Variants in LRP4 observed in about 807,000 individuals in gnomAD.
LRP4 encodes low-density lipoprotein receptor-related protein 4.
LRP4 carries 95 observed loss-of-function variants against 220.3 expected under a neutral mutation model. That is an observed-to-expected ratio of 0.43 (90% CI 0.37 to 0.51). The LOEUF is 0.51. Among genes scored for constraint, LRP4 ranks in the 20% least tolerant of loss-of-function variants. The probability of loss-of-function intolerance (pLI) is 0.00; values close to 1 mark genes in which losing one functional copy is unlikely to be tolerated. For missense variants in LRP4, 1,925 were observed against 2,567.0 expected (o/e 0.75, Z 5.40); for synonymous variants, 903 against 954.6 (o/e 0.95, Z 1.00).
chr11:46,912,947 C>A (rs1244797065), intron 1 of LRP4, among the ~76,000 whole-genome samples: 1 of 152,106 alleles, frequency 6.6e-6, no homozygotes, highest in Non-Finnish European at 1.5e-5. Context: ...TCTTTTGTTT[C>A]CGGCTCTGCT....
At chr11:46,904,326 A>G (rs1008117589) in intron 1 of LRP4, among the ~76,000 whole-genome samples, 28 of 152,304 alleles carry the variant, frequency 1.8e-4, no homozygotes, top group African/African-American at 6.3e-4. Context: ...GTCTCACATT[A>G]TAATTCCTTG....
At chr11:46,886,633 T>A in intron 16 of LRP4, 100 bp from the exon 17 acceptor site, 1 of 1,000,584 alleles carries the variant, frequency 1.0e-6, no homozygotes, top group Non-Finnish European at 1.5e-6. Flanking sequence ...CAATCACACT[T>A]CCTGGGATCT....
chr11:46,878,865 T>A, intron 22 of LRP4, 42 bp downstream of exon 22: 1 of 1,612,994 alleles, frequency 6.2e-7, no homozygotes, highest in Non-Finnish European at 8.5e-7. Flanking sequence ...CATTGCCCCC[T>A]CCCAGAGAGG....
chr11:46,904,507 A>G (rs146952358), intron 1 of LRP4, among the ~76,000 whole-genome samples: 23 of 47,584 alleles, frequency 4.8e-4, no homozygotes, highest in African/African-American at 8.5e-4. Context: ...ATGGACGGAC[A>G]GACGGATGGA....
intron 18 of LRP4, among the ~76,000 whole-genome samples, chr11:46,885,335 A>G (rs1565789892): frequency 6.6e-6 from 1 of 152,144 alleles, no homozygotes; most frequent in Non-Finnish European, 1.5e-5. Context: ...AAGAATCTGC[A>G]TGTCCAACAA....
At chr11:46,914,615 A>C (rs768157341) in intron 1 of LRP4, among the ~76,000 whole-genome samples, 3 of 152,220 alleles carry the variant, frequency 2.0e-5, no homozygotes, top group Non-Finnish European at 4.4e-5. Context: ...ATGAGATGGC[A>C]GTCCAGACAC....
In LRP4 at chr11:46,898,668, T is replaced by G. The variant is rs1361092950; in HGVS notation, c.686A>C (p.Gln229Pro). The change falls in exon 7 of 38, where the codon CAG becomes CCG. Residue 229 changes from glutamine (Q) to proline (P), a missense_variant. Physicochemically the swap from Gln to Pro is moderately conservative, Grantham distance 76. Around this residue, in one of 3 missense-constraint regions of LRP4, gnomAD observed 412 missense variants for 505.4 expected, o/e 0.82. Coordinates refer to ENST00000378623, the MANE Select transcript of LRP4 (RefSeq NM_002334.4). ...WSDESDCSSH[Q>P]PCRSGEFMCD... ...CATGAACTCCCCAGAGCGGCAGGGCTGGTGGGAGGCTAGGGAAACACAAGA... is the reference window on the plus strand; with the variant it reads ...CATGAACTCCCCAGAGCGGCAGGGCGGGTGGGAGGCTAGGGAAACACAAGA... The G allele has an allele frequency of 1.2e-6, 2 of 1,614,076 alleles. No homozygotes were observed. The highest frequency in any genetic ancestry group is 2.2e-5 in the South Asian group (2 of 91,088).
At chr11:46,898,208 C>A (rs995627297) in intron 7 of LRP4, among the ~76,000 whole-genome samples, 2 of 152,206 alleles carry the variant, frequency 1.3e-5, no homozygotes, top group Non-Finnish European at 2.9e-5. Flanking sequence ...CCCGGATTGT[C>A]TTGTTTTTTG....
chr11:46,889,682 G>A, intron 15 of LRP4, 149 bp from the exon 16 acceptor site: 1 of 1,062,950 alleles, frequency 9.4e-7, no homozygotes, highest in East Asian at 2.6e-5. Context: ...TGCTAGCACA[G>A]TGAGTACCCG....
At chr11:46,897,769 A>G (rs1196975682) in intron 7 of LRP4, among the ~76,000 whole-genome samples, 9 of 152,226 alleles carry the variant, frequency 5.9e-5, no homozygotes, top group African/African-American at 2.2e-4. Context: ...TCCCATGTAT[A>G]CTTCTTTCTA....
In LRP4 at chr11:46,865,167, T is replaced by C; in HGVS notation, c.5107A>G (p.Arg1703Gly). Residue 1703 changes from arginine to glycine, a missense_variant, in exon 35 of 38, where the codon AGG becomes GGG. Around this residue, in one of 3 missense-constraint regions of LRP4, gnomAD observed 1,244 missense variants for 1,624.9 expected, o/e 0.77. Transcript: ENST00000378623. The stretch of plus-strand genomic sequence containing the variant: ...TTGGAACGTGCACAGAGGCCCAGCC[T>C]GGCATCCCTTTCAGAGCATCTGTGG... The part of the protein sequence containing the change: ...VEGRCSERDA[R>G]LGLCARSNDA... The C allele has an allele frequency of 2.6e-6, 4 of 1,558,014 alleles. No homozygotes were observed. Among genetic ancestry groups the C allele is most frequent in the Non-Finnish European group, 3.5e-6 (4 of 1,150,092 alleles).
chr11:46,890,068 T>A lies in LRP4; in HGVS notation c.1968A>T (p.Thr656=). Residue 656 remains threonine (T), a synonymous_variant, in exon 15 of 38, where the codon ACA becomes ACT. Coordinates refer to ENST00000378623, the MANE Select transcript of LRP4 (RefSeq NM_002334.4). This position sits in a 1 kb window ranked among gnomAD's most constrained non-coding sequence, Gnocchi z 5.3. ...TATTGATGCTCTTGGTGTGCCAGTC[T>A]GTCCAGTACAGGCTGTCTTCAAACA... ...ITVFEDSLYW[T]DWHTKSINSA... is the part of the protein sequence containing the mutation. The A allele has an allele frequency of 6.2e-7, 1 of 1,614,208 alleles. No individual in the cohort carries two copies. Among genetic ancestry groups the A allele is most frequent in the Non-Finnish European group, 8.5e-7 (1 of 1,180,050 alleles).
chr11:46,894,324 A>G (rs1372452393), intron 12 of LRP4, among the ~76,000 whole-genome samples: 2 of 152,272 alleles, frequency 1.3e-5, no homozygotes, highest in Non-Finnish European at 2.9e-5. Context: ...TCTGTCATCC[A>G]TAAATCTGAT....
chr11:46,889,440 C>G lies in LRP4; in HGVS notation c.2186G>C (p.Arg729Pro). ...NYTCACPTGF[R>P]KISSHACAQS... ...GGCACAGGCGTGGCTGCTGATCTTG[C>G]GGAAGCCAGTGGGGCAGGCACAGGT... The change falls in exon 16 of 38, where the codon CGC (arginine) becomes CCC (proline). Residue 729 changes from arginine (R) to proline (P), a missense_variant. Physicochemically the swap from Arg to Pro is moderately radical, Grantham distance 103. This residue lies in a region of LRP4 where 1,244 missense variants were observed against 1,624.9 expected (regional missense o/e 0.77). Coordinates refer to ENST00000378623, the MANE Select transcript of LRP4 (RefSeq NM_002334.4). 6.2e-7 allele frequency: 1 copy of G among 1,614,042 alleles called. No homozygotes were observed. The highest frequency in any genetic ancestry group is 8.5e-7 in the Non-Finnish European group (1 of 1,180,002).
In LRP4 at chr11:46,858,538, C is replaced by T; in HGVS notation, c.*445G>A. On this transcript the variant is annotated 3_prime_UTR_variant, in exon 38 of 38. Transcript: ENST00000378623. ...TATCCTTCATCCCTGTCTTTACCCACACCCCCATGTCCCAGCCCCTGATGG... is the reference window on the plus strand; with the variant it reads ...TATCCTTCATCCCTGTCTTTACCCATACCCCCATGTCCCAGCCCCTGATGG... 3.7e-6 allele frequency: 1 copy of T among 268,658 alleles called. No homozygotes were observed. The highest frequency in any genetic ancestry group is 8.5e-5 in the East Asian group (1 of 11,732). 16.6% of individuals were successfully genotyped at this position (268,658 alleles called of 1,614,324 possible).
In LRP4 at chr11:46,877,212, T is replaced by C; in HGVS notation, c.3264A>G (p.Val1088=). 6.2e-7 allele frequency: 1 copy of C among 1,613,876 alleles called. No homozygotes were observed. Among genetic ancestry groups the C allele is most frequent in the Non-Finnish European group, 8.5e-7 (1 of 1,179,828 alleles). The part of the protein sequence containing the change: ...ITMKNTIAIG[V]DPQEGKVYWS... ...GGCCATACAGACCTTCCTGGGGGTCTACTCCAATGGCAATGGTGTTCTTCA... is the reference window on the plus strand; with the variant it reads ...GGCCATACAGACCTTCCTGGGGGTCCACTCCAATGGCAATGGTGTTCTTCA... The change falls in exon 23 of 38, where the codon GTA becomes GTG. Residue 1088 remains valine (V), a synonymous_variant. Transcript: ENST00000378623.
intron 36 of LRP4, among the ~76,000 whole-genome samples, chr11:46,864,100 G>A (rs1467425359): frequency 2.0e-5 from 3 of 152,178 alleles, no homozygotes; most frequent in Non-Finnish European, 4.4e-5. Context: ...AATTTCAGTG[G>A]TTTGAAGCAG....
At chr11:46,913,626 A>AGGGC (rs1418554602) in intron 1 of LRP4, among the ~76,000 whole-genome samples, 1 of 152,034 alleles carries the variant, frequency 6.6e-6, no homozygotes, top group Non-Finnish European at 1.5e-5. Context: ...AATGGGAGGG[A>AGGGC]GGGCTTGGAA....
chr11:46,918,334 C>G lies in LRP4; in HGVS notation c.46G>C (p.Ala16Pro). ...GALLLGALLC[A>P]HGLASSPECA... ...CCCGGCGGGCGCCGCTTACCGTGTG[C>G]GCAGAGCAGGGCGCCAAGCAGCAGC... The change falls in exon 1 of 38, where the codon GCA becomes CCA. Residue 16 changes from alanine (A) to proline (P), a missense_variant. By Grantham distance (27) the Ala-to-Pro change is conservative. Around this residue, in one of 3 missense-constraint regions of LRP4, gnomAD observed 412 missense variants for 505.4 expected, o/e 0.82. Transcript: ENST00000378623. This position sits in a 1 kb window ranked among gnomAD's most constrained non-coding sequence, Gnocchi z 6.0. 1 of 1,504,516 alleles carries G rather than the reference C, an allele frequency of 6.6e-7. No homozygotes were observed. The highest frequency in any genetic ancestry group is 1.2e-5 in the South Asian group (1 of 81,256). The allele number at this position is 1,504,516 out of a possible 1,614,324, so 93.2% of individuals were successfully genotyped here.
Sources: allele counts gnomAD v4.1 joint callset (sites outside exome capture counted in the v4.1 genomes callset), GRCh38; gene constraint gnomAD v4.1.1; regional missense constraint gnomAD v4.1.1; non-coding constraint Gnocchi (gnomAD v3.1); transcripts MANE v1.5; gene names NCBI Gene and HGNC (gene_info 2026-07-23, HGNC 2026-07-21).